ASTN2: variants seen among roughly 807,000 people sequenced by gnomAD.
The protein encoded by ASTN2 is astrotactin 2.
Under a neutral mutation model 139.8 loss-of-function variants are expected in ASTN2, and 54 were observed. The observed-to-expected ratio is 0.39, with a 90% CI of 0.31 to 0.48. The LOEUF is 0.48. Ranked by LOEUF, ASTN2 falls within the 20% of genes least tolerant of loss-of-function variation. The pLI is 0.95. For synonymous variants in ASTN2, 756 were observed against 719.5 expected (o/e 1.05, Z -0.81); for missense variants, 1,565 against 1,725.1 (o/e 0.91, Z 1.64).
At chr9:117,334,538 C>T (rs1172026440) in intron 1 of ASTN2, among the ~76,000 whole-genome samples, 1 of 150,000 alleles carries the variant, frequency 6.7e-6, no homozygotes, top group African/African-American at 2.5e-5. Flanking sequence ...GCCAGGCATA[C>T]TCCTTGCCTT....
chr9:116,971,557 T>C (rs1008186719), intron 10 of ASTN2, among the ~76,000 whole-genome samples: 2 of 152,232 alleles, frequency 1.3e-5, no homozygotes, highest in Non-Finnish European at 2.9e-5. Context: ...AGACCTAGCA[T>C]ACTGAACTAG....
rs1259780753 is a variant in ASTN2, at chr9:116,803,506, ATATATATATATATATATT to A, written c.2396+2108_2396+2125del. On this transcript the variant is annotated intron_variant, in intron 13 of 22. Transcript: ENST00000313400. ...AATATATATATATATATATATATAT[ATATATATATATATATATT>A]TTTTTTTTTTTTTTTTTTTAGACGG... Among the ~76,000 whole-genome samples the A allele has an allele frequency of 4.3e-3, 34 of 7,904 alleles. 2 individuals carry two copies. Among genetic ancestry groups the A allele is most frequent in the African/African-American group, 0.014 (32 of 2,320 alleles). The allele number at this position is 7,904 out of a possible 152,430, so 5.2% of individuals were successfully genotyped here.
intron 10 of ASTN2, among the ~76,000 whole-genome samples, chr9:116,959,319 A>G (rs183372255): frequency 5.9e-5 from 9 of 152,296 alleles, no homozygotes; most frequent in Admixed American, 5.9e-4. Context: ...GAGGACCTAA[A>G]AGCACTCAAG....
At chr9:117,066,335 AAAGGACATGAACTCAACATTTCTT>A (rs1391742082) in intron 5 of ASTN2, among the ~76,000 whole-genome samples, 1 of 148,690 alleles carries the variant, frequency 6.7e-6, no homozygotes, top group Non-Finnish European at 1.5e-5. Context: ...ATGTCCCTAC[AAAGGACATGAACTCAACATTTCTT>A]ATGGCTGCAT....
chr9:116,971,912 T>C (rs1031646465), intron 10 of ASTN2, among the ~76,000 whole-genome samples: 2 of 152,170 alleles, frequency 1.3e-5, no homozygotes, highest in Non-Finnish European at 2.9e-5. Context: ...AGCAAGCAAG[T>C]GATGGAGTTA....
intron 13 of ASTN2, among the ~76,000 whole-genome samples, chr9:116,771,168 G>C (rs1291023111): frequency 6.6e-6 from 1 of 152,154 alleles, no homozygotes; most frequent in Non-Finnish European, 1.5e-5. Context: ...GGCTACATCA[G>C]GTACTCCTTG....
At chr9:117,355,451 C>T (rs1347304600) in intron 1 of ASTN2, among the ~76,000 whole-genome samples, 2 of 152,122 alleles carry the variant, frequency 1.3e-5, no homozygotes, top group African/African-American at 4.8e-5. Context: ...ATAATACAAA[C>T]CCACTTCTAG....
At chr9:117,315,905 T>A (rs1227831057) in intron 1 of ASTN2, among the ~76,000 whole-genome samples, 1 of 152,208 alleles carries the variant, frequency 6.6e-6, no homozygotes, top group South Asian at 2.1e-4. Flanking sequence ...CTCCCCTGAC[T>A]ACACAAAATT....
intron 4 of ASTN2, among the ~76,000 whole-genome samples, chr9:117,138,726 G>A (rs1269742133): frequency 6.6e-6 from 1 of 152,136 alleles, no homozygotes; most frequent in Non-Finnish European, 1.5e-5. Flanking sequence ...ATATGGAAGA[G>A]ATACAAATAA....
chr9:117,087,053 C>A (rs1018084218), intron 5 of ASTN2, among the ~76,000 whole-genome samples: 1 of 152,280 alleles, frequency 6.6e-6, no homozygotes, highest in South Asian at 2.1e-4. Flanking sequence ...CAAAGGGCAG[C>A]CAGTAGATCT....
Position 116,657,854 on chromosome 9 carries a change from A to C in ASTN2, c.2807-6061T>G, listed in dbSNP as rs553100817. On this transcript the variant is annotated intron_variant, in intron 16 of 22. Transcript: ENST00000313400. ...AGAACCTGTCTCAAAAAAAAGGAAT[A>C]TAAAAGAAAAAAGAGAGGTCAGAAA... Among the ~76,000 whole-genome samples the C allele has an allele frequency of 1.4e-4, 21 of 151,980 alleles. No homozygotes were observed. In the South Asian group the frequency reaches 4.2e-3, roughly 30 times the overall value.
At chr9:116,987,687 A>G (rs1016262107) in intron 7 of ASTN2, among the ~76,000 whole-genome samples, 1 of 152,202 alleles carries the variant, frequency 6.6e-6, no homozygotes, top group African/African-American at 2.4e-5. Context: ...TCCTATATGT[A>G]CATACCCATG....
chr9:116,602,908 T>C (rs1467957484), intron 19 of ASTN2, among the ~76,000 whole-genome samples: 1 of 152,146 alleles, frequency 6.6e-6, no homozygotes, highest in Admixed American at 6.5e-5. Context: ...CCAGCCTGGG[T>C]GACAGAGCGA....
At chr9:117,059,467 G>C (rs1018212696) in intron 5 of ASTN2, among the ~76,000 whole-genome samples, 1 of 151,990 alleles carries the variant, frequency 6.6e-6, no homozygotes, top group Non-Finnish European at 1.5e-5. Flanking sequence ...CAAAAAATTA[G>C]CTGGGCATGG....
chr9:117,238,344 A>G (rs931122097), intron 2 of ASTN2, among the ~76,000 whole-genome samples: 4 of 152,290 alleles, frequency 2.6e-5, no homozygotes, highest in Admixed American at 6.5e-5. Context: ...CCGAGACAGA[A>G]TTCAAACCCA....
At chr9:116,631,006 T>C (rs745818463) in intron 17 of ASTN2, among the ~76,000 whole-genome samples, 1 of 152,102 alleles carries the variant, frequency 6.6e-6, no homozygotes, top group Non-Finnish European at 1.5e-5. Flanking sequence ...CACAATGAGA[T>C]ATCATCTCAC....
chr9:117,173,445 G>A (rs1033257555), intron 3 of ASTN2, among the ~76,000 whole-genome samples: 11 of 152,106 alleles, frequency 7.2e-5, no homozygotes, highest in African/African-American at 2.7e-4. Flanking sequence ...AATGTACAGT[G>A]TTTCTCAAAC....
At chr9:116,863,908 C>T (rs565920225) in intron 10 of ASTN2, among the ~76,000 whole-genome samples, 175 bp from the exon 11 acceptor site, 14 of 152,178 alleles carry the variant, frequency 9.2e-5, no homozygotes, top group South Asian at 6.2e-4. Context: ...TGACACGGTG[C>T]TTGTCAAGTT....
At position 116,967,815 on chromosome 9, in the gene ASTN2, C is replaced by T. The variant is rs140640305; in HGVS notation, c.1889+7393G>A. Reference sequence around the variant, plus strand: ...TGACTGGCCCCGACTCCAGCCTACTCCACGTGTCCTGCTGCCCCAACCCTC... The same window carrying T: ...TGACTGGCCCCGACTCCAGCCTACTTCACGTGTCCTGCTGCCCCAACCCTC... On this transcript the variant is annotated intron_variant, in intron 10 of 22. Transcript: ENST00000313400. 2.6e-5 allele frequency among the ~76,000 whole-genome samples: 4 copies of T among 152,320 alleles called. No individual in the cohort carries two copies. The East Asian group carries it at 5.8e-4, about 22-fold the overall frequency.
Sources: gnomAD v4.1 joint callset for allele counts (sites outside exome capture counted in the v4.1 genomes callset) on GRCh38, gnomAD v4.1.1 for gene constraint, MANE v1.5 for transcripts, NCBI Gene and HGNC (gene_info 2026-07-23, HGNC 2026-07-21) for gene names.